ERCC6: variants seen among roughly 807,000 people sequenced by gnomAD.
The protein encoded by ERCC6 is ERCC excision repair 6, chromatin remodeling factor, also known as DNA excision repair protein ERCC-6.
A neutral mutation model predicts 158.7 loss-of-function variants in ERCC6; 116 were observed. That is an observed-to-expected ratio of 0.73 (90% CI 0.63 to 0.85). ERCC6 has a LOEUF of 0.85. Ranked by LOEUF, ERCC6 falls within the 40% of genes least tolerant of loss-of-function variation. The pLI, the probability that ERCC6 is intolerant of heterozygous loss-of-function variation, is 0.00. For missense variants in ERCC6, 1,698 were observed against 1,799.4 expected, an observed-to-expected ratio of 0.94 and a Z score of 1.02; for synonymous variants, 678 against 659.3, an observed-to-expected ratio of 1.03 and a Z score of -0.43.
chr10:49,443,091 C>T, the ERCC6 span, among the ~76,000 whole-genome samples: 1 of 152,112 alleles, frequency 6.6e-6, no homozygotes, highest in Non-Finnish European at 1.5e-5. Flanking sequence ...CTTCTTCTGC[C>T]TTTGCGTAAA....
chr10:49,490,870 G>A (rs1392850136), intron 8 of ERCC6, among the ~76,000 whole-genome samples: 1 of 152,204 alleles, frequency 6.6e-6, no homozygotes, highest in Non-Finnish European at 1.5e-5. Flanking sequence ...GGTGGGCACA[G>A]AAAGCTCATC....
At chr10:49,525,049 G>C (rs578024401) in intron 4 of ERCC6, 201 of 645,950 alleles carry the variant, frequency 3.1e-4, no homozygotes, top group South Asian at 1.9e-3. Flanking sequence ...TCCAAAGATA[G>C]GCTTATTACT....
rs115788540 is a variant in ERCC6, at chr10:49,474,167, T to C, written c.2458A>G (p.Lys820Glu). ...TCTAGTTCATCATCAGGAAGACCTT[T>C]GAGATTCTTGGGACCTCCAGAAAAG... ...DLFSGGPKNL[K>E]GLPDDELEED... Residue 820 changes from lysine (K) to glutamate (E), a missense_variant, in exon 13 of 21, where the codon AAA (lysine) becomes GAA (glutamate). By Grantham distance (56) the Lys-to-Glu change is moderately conservative. Transcript: ENST00000355832. 6.2e-7 allele frequency: 1 copy of C among 1,614,112 alleles called. No individual in the cohort carries two copies. Among genetic ancestry groups the C allele is most frequent in the East Asian group, 2.2e-5 (1 of 44,864 alleles).
downstream of ERCC6, among the ~76,000 whole-genome samples, chr10:49,452,298 T>C (rs1285732024): frequency 3.3e-5 from 5 of 152,094 alleles, no homozygotes; most frequent in African/African-American, 1.2e-4. Context: ...GTCTTAATTT[T>C]CATTAGCCTC....
At chr10:49,539,364 T>C (rs1028366570), upstream of ERCC6, 1 of 152,316 alleles carries the variant, frequency 6.6e-6, no homozygotes, top group Non-Finnish European at 1.5e-5. Context: ...GCCATGCGAA[T>C]GTAAATCCTC....
At chr10:49,506,884 G>C (rs1052676972) in intron 5 of ERCC6, among the ~76,000 whole-genome samples, 5 of 151,740 alleles carry the variant, frequency 3.3e-5, no homozygotes, top group African/African-American at 1.2e-4. Context: ...TGGTGCAACT[G>C]ATGCTCTGAA....
intron 5 of ERCC6, among the ~76,000 whole-genome samples, 188 bp downstream of exon 5, chr10:49,523,845 G>C (rs1368889450): frequency 6.6e-6 from 1 of 151,828 alleles, no homozygotes; most frequent in Non-Finnish European, 1.5e-5. Context: ...ACATGCATTT[G>C]GGGCCAGCAT....
chr10:49,476,336 T>G, intron 11 of ERCC6, 26 bp from the exon 12 acceptor site: 1 of 1,508,758 alleles, frequency 6.6e-7, no homozygotes, highest in Non-Finnish European at 9.2e-7. Context: ...ACAAGGAAAC[T>G]ATAATTTCAA....
At position 49,528,388 on chromosome 10, in the gene ERCC6, C is replaced by T. The variant is rs765990260; in HGVS notation, c.652+29G>A. The T allele has an allele frequency of 5.6e-6, 9 of 1,613,068 alleles. No individual in the cohort carries two copies. The African/African-American group carries it at 8.0e-5, about 14-fold the overall frequency. ...CAGGCATCAGGCATCAATTCAAGAA[C>T]ACAGAGAAACTGCTCCTAGCATCCT... is the stretch of plus-strand genomic sequence containing the variant. On this transcript the variant is annotated intron_variant, in intron 4 of 20. Coordinates refer to ENST00000355832, the MANE Select transcript of ERCC6 (RefSeq NM_000124.4).
Position 49,524,506 on chromosome 10 carries a change from C to T in ERCC6, c.924G>A (p.Val308=), listed in dbSNP as rs553003136. 1.2e-6 allele frequency: 2 copies of T among 1,614,194 alleles called. No homozygotes were observed. The highest frequency in any genetic ancestry group is 2.7e-5 in the African/African-American group (2 of 75,040). Residue 308 remains valine, a synonymous_variant, in exon 5 of 21, where the codon GTG becomes GTA. Coordinates refer to ENST00000355832, the MANE Select transcript of ERCC6 (RefSeq NM_000124.4). ...APAPVTPPAP[V]QNKNKPNKKA... is the part of the protein sequence containing the mutation. ...TCTTGTTTGGTTTGTTTTTATTTTG[C>T]ACTGGGGCTGGAGGCGTGACTGGGG...
intron 4 of ERCC6, chr10:49,525,002 TC>T: frequency 9.1e-7 from 1 of 1,097,568 alleles, no homozygotes; most frequent in Non-Finnish European, 1.2e-6. Context: ...CAGTAACTTT[TC>T]CCCAAAATAT....
chr10:49,526,115 T>TTATATATTTATATATTTATATA (rs780309557), intron 4 of ERCC6, among the ~76,000 whole-genome samples: 26 of 105,426 alleles, frequency 2.5e-4, no homozygotes, highest in African/African-American at 1.0e-3. Flanking sequence ...ATTTATATAT[T>TTATATATTTATATATTTATATA]TTTATATATA....
intron 18 of ERCC6, among the ~76,000 whole-genome samples, chr10:49,466,640 T>C (rs967614147): frequency 6.6e-5 from 10 of 152,224 alleles, no homozygotes; most frequent in Admixed American, 4.6e-4. Flanking sequence ...AAATACCCCA[T>C]GCCCAGACAA....
At chr10:49,441,993 A>G in the ERCC6 span, among the ~76,000 whole-genome samples, 1 of 152,162 alleles carries the variant, frequency 6.6e-6, no homozygotes, top group Non-Finnish European at 1.5e-5. Context: ...CTCCTCCTCC[A>G]GGACCATCTT....
At chr10:49,514,558 AG>A (rs1478017152) in intron 5 of ERCC6, among the ~76,000 whole-genome samples, 2 of 152,054 alleles carry the variant, frequency 1.3e-5, no homozygotes, top group Admixed American at 1.3e-4. Context: ...TTATGTTGCA[AG>A]GATCATTGTA....
the ERCC6 span, among the ~76,000 whole-genome samples, chr10:49,445,686 C>T: frequency 6.6e-6 from 1 of 152,072 alleles, no homozygotes; most frequent in Non-Finnish European, 1.5e-5. Flanking sequence ...GACAAAAATC[C>T]GTTTAACGAC....
At position 49,500,535 on chromosome 10, in the gene ERCC6, T is replaced by C; in HGVS notation, c.1685+3A>G. ...GACTGACAGTCTGCAGAGGAGCACT[T>C]GCCTGTAATTTGAACCACGAGTCCT... is the stretch of plus-strand genomic sequence containing the variant. On this transcript the variant is annotated splice_donor_region_variant and intron_variant, in intron 7 of 20. Coordinates refer to ENST00000355832, the MANE Select transcript of ERCC6 (RefSeq NM_000124.4). 6.2e-7 allele frequency: 1 copy of C among 1,613,758 alleles called. No homozygotes were observed. Among genetic ancestry groups the C allele is most frequent in the Non-Finnish European group, 8.5e-7 (1 of 1,179,780 alleles).
intron 8 of ERCC6, among the ~76,000 whole-genome samples, chr10:49,491,234 T>C (rs548905296): frequency 1.3e-5 from 2 of 152,308 alleles, no homozygotes; most frequent in African/African-American, 2.4e-5. Context: ...GTAATAAATA[T>C]AGGGCTTCTA....
intron 5 of ERCC6, among the ~76,000 whole-genome samples, chr10:49,511,408 T>C (rs1343163598): frequency 6.8e-6 from 1 of 147,232 alleles, no homozygotes; most frequent in Non-Finnish European, 1.5e-5. Context: ...AGTAAGTGTG[T>C]TGTTCATCTT....
Sources: allele counts gnomAD v4.1 joint callset (sites outside exome capture counted in the v4.1 genomes callset), GRCh38; gene constraint gnomAD v4.1.1; transcripts MANE v1.5; gene names NCBI Gene and HGNC (gene_info 2026-07-23, HGNC 2026-07-21).